YIPF1: variants seen among roughly 807,000 people sequenced by gnomAD.
The protein encoded by YIPF1 is Yip1 domain family member 1.
In YIPF1, 22 loss-of-function variants were observed where a neutral mutation model predicts 37.0. The observed-to-expected ratio is 0.59, with a 90% CI of 0.42 to 0.85. The LOEUF is 0.85. Among genes scored for constraint, YIPF1 ranks in the 40% least tolerant of loss-of-function variants. The pLI, the probability that YIPF1 is intolerant of heterozygous loss-of-function variation, is 0.00. For synonymous variants in YIPF1, 128 were observed against 131.9 expected (o/e 0.97, Z 0.21); for missense variants, 355 against 373.1 (o/e 0.95, Z 0.40).
chr1:53,861,058 A>G (rs1050018372), intron 9 of YIPF1, among the ~76,000 whole-genome samples: 12 of 152,200 alleles, frequency 7.9e-5, no homozygotes, highest in African/African-American at 2.9e-4. Flanking sequence ...TCTGCTCTCT[A>G]TCAGCCAGAA....
In YIPF1 at chr1:53,889,756, C is replaced by T. The variant is rs569178495; in HGVS notation, c.-313G>A. ...CCCCGGGTCCCGAGAAGGCTCGGGC[C>T]TCAGTTGCTCCGCGCCGGTTTCGGT... On this transcript the variant is annotated 5_prime_UTR_variant, in exon 1 of 11. Transcript: ENST00000072644. 10 of 152,454 alleles carry T rather than the reference C, an allele frequency of 6.6e-5. No homozygotes were observed. The highest frequency in any genetic ancestry group is 2.4e-4 in the African/African-American group (10 of 41,590). The allele number at this position is 152,454 out of a possible 1,614,324, so 9.4% of individuals were successfully genotyped here.
intron 9 of YIPF1, among the ~76,000 whole-genome samples, chr1:53,860,731 C>T (rs1205547282): frequency 1.3e-5 from 2 of 152,194 alleles, no homozygotes; most frequent in Non-Finnish European, 2.9e-5. Flanking sequence ...GAGTGCTAGG[C>T]ATGCTTTCCC....
intron 10 of YIPF1, among the ~76,000 whole-genome samples, chr1:53,857,378 T>G (rs894248982): frequency 6.6e-6 from 1 of 152,152 alleles, no homozygotes; most frequent in Non-Finnish European, 1.5e-5. Context: ...TGATAAGACA[T>G]GCAATCAAAG....
chr1:53,884,449 G>A (rs1250859986), intron 3 of YIPF1, among the ~76,000 whole-genome samples: 1 of 152,086 alleles, frequency 6.6e-6, no homozygotes, highest in Non-Finnish European at 1.5e-5. Flanking sequence ...TTTGCATCCT[G>A]CTTTGTCAAG....
At chr1:53,871,012 CAAAAAAAA>C (rs57949076) in intron 7 of YIPF1, among the ~76,000 whole-genome samples, 14 of 65,268 alleles carry the variant, frequency 2.1e-4, no homozygotes, top group Non-Finnish European at 3.8e-4. Context: ...GTCACTGTCT[CAAAAAAAA>C]AAAAAAAAAA....
chr1:53,882,608 C>G (rs1254818470), intron 4 of YIPF1, among the ~76,000 whole-genome samples: 1 of 152,168 alleles, frequency 6.6e-6, no homozygotes, highest in Non-Finnish European at 1.5e-5. Context: ...CAGGTGTCCA[C>G]CACCATACTC....
intron 10 of YIPF1, among the ~76,000 whole-genome samples, chr1:53,855,218 C>T (rs949113936): frequency 2.0e-5 from 3 of 151,646 alleles, no homozygotes; most frequent in African/African-American, 7.3e-5. Flanking sequence ...TTAATTAAAG[C>T]CCTGATCACA....
intron 9 of YIPF1, among the ~76,000 whole-genome samples, chr1:53,861,663 G>GGGAAGGAAGGAAGGAAGGGAGGGGGGAA (rs1649881006): frequency 6.9e-6 from 1 of 144,594 alleles, no homozygotes; most frequent in Non-Finnish European, 1.5e-5. Flanking sequence ...GAAGGGAGGG[G>GGGAAGGAAGGAAGGAAGGGAGGGGGGAA]GGAAGGAAGG....
chr1:53,869,760 A>G (rs531730868), intron 7 of YIPF1, among the ~76,000 whole-genome samples: 1 of 152,278 alleles, frequency 6.6e-6, no homozygotes, highest in Admixed American at 6.5e-5. Flanking sequence ...ATACTGACAT[A>G]AGAAAGGACG....
intron 4 of YIPF1, among the ~76,000 whole-genome samples, chr1:53,879,713 A>AT (rs1455271686): frequency 6.6e-6 from 1 of 152,198 alleles, no homozygotes; most frequent in Non-Finnish European, 1.5e-5. Flanking sequence ...ATAGGCAGAT[A>AT]TTTTTTGTTC....
At chr1:53,881,754 G>T (rs7516530) in intron 4 of YIPF1, among the ~76,000 whole-genome samples, 63,673 of 151,972 alleles carry the variant, frequency 0.42, 13,913 homozygotes, top group East Asian at 0.57. Context: ...CTTTTACACT[G>T]TTGGTGGGAG....
intron 3 of YIPF1, among the ~76,000 whole-genome samples, chr1:53,888,083 G>A (rs182760771): frequency 1.3e-5 from 2 of 152,216 alleles, no homozygotes; most frequent in Non-Finnish European, 2.9e-5. Context: ...AAAATTAGTC[G>A]GGTGTGGTGA....
chr1:53,870,154 G>A (rs1253668498), intron 7 of YIPF1, among the ~76,000 whole-genome samples: 5 of 119,456 alleles, frequency 4.2e-5, no homozygotes, highest in Non-Finnish European at 6.6e-5. Flanking sequence ...CCACCGCACC[G>A]GGTCTCTTTT....
At chr1:53,878,264 A>G (rs561846980) in intron 6 of YIPF1, 51 bp downstream of exon 6, 6 of 1,586,304 alleles carry the variant, frequency 3.8e-6, no homozygotes, top group Non-Finnish European at 5.2e-6. Context: ...CAACCCTCAC[A>G]CTCACCCAAG....
In YIPF1 at chr1:53,885,807, G is replaced by A. The variant is rs571810030; in HGVS notation, c.32-2531C>T. Among the ~76,000 whole-genome samples the A allele has an allele frequency of 9.6e-5, 12 of 124,434 alleles. No individual in the cohort carries two copies. The South Asian group carries it at 1.2e-3, about 12-fold the overall frequency. 81.6% of individuals were successfully genotyped at this position (124,434 alleles called of 152,430 possible). On this transcript the variant is annotated intron_variant, in intron 3 of 10. Coordinates refer to ENST00000072644, the MANE Select transcript of YIPF1 (RefSeq NM_018982.5). ...TGCACTCCAGCCTGGGTGACAGAGC[G>A]AGACTCGGTCTCAAAAAAAAAAAAA...
chr1:53,886,809 T>C (rs765783101), intron 3 of YIPF1: 6 of 151,816 alleles, frequency 4.0e-5, no homozygotes, highest in Non-Finnish European at 7.3e-5. Context: ...CACTCCTAGA[T>C]AGGATGGCTG....
rs1409887234 is a variant in YIPF1 at position 53,871,296 on chromosome 1, C to G, written c.481+76G>C. The G allele has an allele frequency of 2.3e-6, 3 of 1,309,270 alleles. No homozygotes were observed. The African/African-American group carries it at 4.4e-5, about 19-fold the overall frequency. 81.1% of individuals were successfully genotyped at this position (1,309,270 alleles called of 1,614,324 possible). ...GGGCTGCAGCATCTAGAGATGGGGC[C>G]CAGGAGCTCAGTGGGTAAAAAGAAC... is the stretch of plus-strand genomic sequence containing the variant. On this transcript the variant is annotated intron_variant, in intron 7 of 10. Transcript: ENST00000072644.
At chr1:53,875,763 A>G (rs1650319596) in intron 6 of YIPF1, among the ~76,000 whole-genome samples, 1 of 152,154 alleles carries the variant, frequency 6.6e-6, no homozygotes, top group African/African-American at 2.4e-5. Context: ...CTTCTGTTTC[A>G]AGTGCTCTTC....
intron 4 of YIPF1, among the ~76,000 whole-genome samples, chr1:53,881,443 T>C (rs763076797): frequency 2.6e-5 from 4 of 152,056 alleles, no homozygotes; most frequent in Non-Finnish European, 5.9e-5. Context: ...ACCTACAGAA[T>C]GAGAGAAAAT....
Sources: allele counts gnomAD v4.1 joint callset (sites outside exome capture counted in the v4.1 genomes callset), GRCh38; gene constraint gnomAD v4.1.1; transcripts MANE v1.5; gene names NCBI Gene and HGNC (gene_info 2026-07-23, HGNC 2026-07-21).